The following CACNA2D1 variants were observed in gnomAD, a reference collection of about 807,000 sequenced individuals.
The protein encoded by CACNA2D1 is calcium voltage-gated channel auxiliary subunit alpha2delta 1.
Under a neutral mutation model 171.5 loss-of-function variants are expected in CACNA2D1, and 53 were observed. That is an observed-to-expected ratio of 0.31 (90% CI 0.25 to 0.39). The LOEUF (loss-of-function observed/expected upper bound fraction) is 0.39. Among genes scored for constraint, CACNA2D1 ranks in the 10% least tolerant of loss-of-function variants. The pLI, the probability that CACNA2D1 is intolerant of heterozygous loss-of-function variation, is 1.00. For synonymous variants in CACNA2D1, 442 were observed against 443.1 expected, an observed-to-expected ratio of 1.00 and a Z score of 0.03; for missense variants, 903 against 1,299.8, an observed-to-expected ratio of 0.69 and a Z score of 4.69.
chr7:82,340,571 T>A (rs1360415447), intron 2 of CACNA2D1, among the ~76,000 whole-genome samples: 1 of 152,178 alleles, frequency 6.6e-6, no homozygotes, highest in Non-Finnish European at 1.5e-5. Context: ...GAAGTTGTGA[T>A]TAACATTATT....
At chr7:82,397,900 G>C (rs1267096076) in intron 1 of CACNA2D1, among the ~76,000 whole-genome samples, 1 of 152,068 alleles carries the variant, frequency 6.6e-6, no homozygotes, top group Non-Finnish European at 1.5e-5. Flanking sequence ...GCTCTTATTA[G>C]ACAATAAAAG....
intron 1 of CACNA2D1, among the ~76,000 whole-genome samples, chr7:82,397,159 C>T (rs962383010): frequency 1.3e-5 from 2 of 152,064 alleles, no homozygotes; most frequent in African/African-American, 4.8e-5. Flanking sequence ...ACTCGCTTTC[C>T]CCAAAAGGAT....
At chr7:82,164,095 A>T (rs781196690) in intron 4 of CACNA2D1, among the ~76,000 whole-genome samples, 5 of 152,006 alleles carry the variant, frequency 3.3e-5, no homozygotes, top group Admixed American at 1.3e-4. Flanking sequence ...TGACTATACC[A>T]AAGCTGTGTA....
At chr7:82,235,937 T>C (rs1402279903) in intron 3 of CACNA2D1, among the ~76,000 whole-genome samples, 1 of 152,102 alleles carries the variant, frequency 6.6e-6, no homozygotes, top group East Asian at 1.9e-4. Context: ...ATTCATCTAA[T>C]GGAAATGTAC....
At chr7:82,117,659 A>G (rs994285306) in intron 5 of CACNA2D1, among the ~76,000 whole-genome samples, 16 of 152,104 alleles carry the variant, frequency 1.1e-4, no homozygotes, top group Non-Finnish European at 8.8e-5. Context: ...ATGGCAGCAC[A>G]GGCCTGTAGT....
chr7:81,951,969 G>GTTTTTTTTTTTTTT (rs774805421), intron 38 of CACNA2D1, among the ~76,000 whole-genome samples: 1 of 71,916 alleles, frequency 1.4e-5, no homozygotes, highest in African/African-American at 6.1e-5. Context: ...TGTACAAAGT[G>GTTTTTTTTTTTTTT]TTTTTTTTTT....
chr7:82,240,636 A>G (rs1804144136), intron 3 of CACNA2D1, among the ~76,000 whole-genome samples: 1 of 152,154 alleles, frequency 6.6e-6, no homozygotes, highest in African/African-American at 2.4e-5. Flanking sequence ...ATTTTACTAA[A>G]TTCTTAAAAC....
Position 82,442,338 on chromosome 7 carries a change from T to C in CACNA2D1, c.95+1027A>G, listed in dbSNP as rs574309062. Among the ~76,000 whole-genome samples the C allele has an allele frequency of 2.0e-5, 3 of 152,322 alleles. No individual in the cohort carries two copies. The East Asian group carries it at 5.8e-4, about 29-fold the overall frequency. On this transcript the variant is annotated intron_variant, in intron 1 of 38. Coordinates refer to ENST00000356860, the MANE Select transcript of CACNA2D1 (RefSeq NM_000722.4). ...GCTACCTTGGGCTTTGTTTTTGTTA[T>C]GTAAAATGCATTAAAGTGACTCATC...
intron 3 of CACNA2D1, among the ~76,000 whole-genome samples, chr7:82,292,561 A>C (rs911188166): frequency 6.6e-6 from 1 of 152,156 alleles, no homozygotes; most frequent in Non-Finnish European, 1.5e-5. Flanking sequence ...TAGTTTGGAA[A>C]TTATCATTTC....
chr7:82,212,273 T>C (rs998131638), intron 3 of CACNA2D1, among the ~76,000 whole-genome samples: 7 of 152,226 alleles, frequency 4.6e-5, no homozygotes, highest in African/African-American at 1.7e-4. Flanking sequence ...TAATTCAATT[T>C]GAATTTCAGA....
chr7:82,086,939 T>A (rs1284017296), intron 6 of CACNA2D1, among the ~76,000 whole-genome samples: 1 of 152,254 alleles, frequency 6.6e-6, no homozygotes, highest in Admixed American at 6.5e-5. Flanking sequence ...ATCCTGGCAA[T>A]ATGTTTTAAG....
chr7:82,161,471 A>G (rs1252061274), intron 4 of CACNA2D1, among the ~76,000 whole-genome samples: 1 of 152,164 alleles, frequency 6.6e-6, no homozygotes, highest in East Asian at 1.9e-4. Flanking sequence ...TTTCTGGGGA[A>G]AAATGTTGTT....
chr7:82,389,870 CGT>C (rs1007744242), intron 1 of CACNA2D1, among the ~76,000 whole-genome samples: 4 of 152,084 alleles, frequency 2.6e-5, no homozygotes, highest in African/African-American at 9.7e-5. Flanking sequence ...AAAATTCTGA[CGT>C]GTTTGTTTAA....
intron 3 of CACNA2D1, among the ~76,000 whole-genome samples, chr7:82,245,435 C>G (rs1804789342): frequency 6.6e-6 from 1 of 151,970 alleles, no homozygotes. Context: ...TAATGGTTTC[C>G]AAGAGGACAG....
At chr7:82,401,297 G>A (rs1463415295) in intron 1 of CACNA2D1, among the ~76,000 whole-genome samples, 1 of 151,636 alleles carries the variant, frequency 6.6e-6, no homozygotes, top group African/African-American at 2.4e-5. Context: ...CAAAGACTTG[G>A]AACCAACCCA....
At chr7:82,133,147 G>T (rs1791199519) in intron 5 of CACNA2D1, among the ~76,000 whole-genome samples, 1 of 152,066 alleles carries the variant, frequency 6.6e-6, no homozygotes, top group Non-Finnish European at 1.5e-5. Context: ...CTTGAGCAAT[G>T]ACAGCCTTAA....
intron 37 of CACNA2D1, 89 bp downstream of exon 37, chr7:81,959,631 T>G (rs1205920540): frequency 4.4e-6 from 6 of 1,375,472 alleles, no homozygotes; most frequent in Non-Finnish European, 4.0e-6. Context: ...GTCTAATAGT[T>G]TTCTCTTTAT....
chr7:82,432,759 C>T (rs560689952), intron 1 of CACNA2D1, among the ~76,000 whole-genome samples: 1 of 152,320 alleles, frequency 6.6e-6, no homozygotes, highest in African/African-American at 2.4e-5. Context: ...CAGTAAACCA[C>T]TACTATCTGC....
At chr7:82,224,963 C>T (rs989574297) in intron 3 of CACNA2D1, among the ~76,000 whole-genome samples, 4 of 152,072 alleles carry the variant, frequency 2.6e-5, no homozygotes, top group African/African-American at 7.2e-5. Flanking sequence ...ATGATCATGA[C>T]GTAAAGGTAA....
Sources: gnomAD v4.1 joint callset for allele counts (sites outside exome capture counted in the v4.1 genomes callset) on GRCh38, gnomAD v4.1.1 for gene constraint, MANE v1.5 for transcripts, NCBI Gene and HGNC (gene_info 2026-07-23, HGNC 2026-07-21) for gene names.